The following CCDC60 variants were observed in gnomAD, a reference collection of about 807,000 sequenced individuals.
CCDC60 encodes the protein coiled-coil domain-containing protein 60.
A neutral mutation model predicts 63.5 loss-of-function variants in CCDC60; 54 were observed. The observed-to-expected ratio is 0.85, with a 90% CI of 0.68 to 1.07. CCDC60 has a LOEUF of 1.07. CCDC60 is among the 50% of genes least tolerant of loss of function. The pLI is 0.00. For synonymous variants in CCDC60, 206 were observed against 238.8 expected (o/e 0.86, Z 1.27); for missense variants, 651 against 684.3 (o/e 0.95, Z 0.54).
intron 7 of CCDC60, among the ~76,000 whole-genome samples, chr12:119,507,445 T>C (rs569564515): frequency 3.4e-5 from 5 of 146,710 alleles, no homozygotes; most frequent in East Asian, 2.0e-4. Context: ...TATATACACA[T>C]ATATATACAT....
At chr12:119,513,631 A>T (rs762945033) in intron 7 of CCDC60, among the ~76,000 whole-genome samples, 3 of 152,222 alleles carry the variant, frequency 2.0e-5, no homozygotes, top group Non-Finnish European at 2.9e-5. Context: ...ATCACGTGTC[A>T]CATAACAATG....
At chr12:119,507,603 TATATATA>T (rs1952078663) in intron 7 of CCDC60, among the ~76,000 whole-genome samples, 1 of 28,174 alleles carries the variant, frequency 3.5e-5, no homozygotes, top group Non-Finnish European at 5.7e-5. Flanking sequence ...TATATATATA[TATATATA>T]TATATTTTTT....
intron 7 of CCDC60, among the ~76,000 whole-genome samples, chr12:119,509,757 A>AAG (rs1227954505): frequency 1.3e-5 from 2 of 152,196 alleles, no homozygotes; most frequent in African/African-American, 4.8e-5. Flanking sequence ...TAATCCTCAC[A>AAG]AGAACTTCTT....
At chr12:119,340,644 A>G (rs1043314781) in intron 1 of CCDC60, among the ~76,000 whole-genome samples, 1 of 152,148 alleles carries the variant, frequency 6.6e-6, no homozygotes, top group African/African-American at 2.4e-5. Flanking sequence ...GAACCAACAT[A>G]TTTGAGAAAC....
At chr12:119,523,919 G>T (rs1322486638) in intron 11 of CCDC60, 101 bp downstream of exon 11, 5 of 1,257,838 alleles carry the variant, frequency 4.0e-6, no homozygotes, top group Non-Finnish European at 5.5e-6. Flanking sequence ...CAAACAAGAA[G>T]AACTTGTTCT....
intron 1 of CCDC60, among the ~76,000 whole-genome samples, chr12:119,342,884 A>C (rs916560776): frequency 1.3e-5 from 2 of 152,236 alleles, no homozygotes; most frequent in African/African-American, 2.4e-5. Flanking sequence ...GGTGAGGCTT[A>C]AGGAAATTCT....
chr12:119,443,309 G>A (rs1450698953), intron 2 of CCDC60, among the ~76,000 whole-genome samples: 1 of 152,104 alleles, frequency 6.6e-6, no homozygotes. Context: ...TGTAGCCTTT[G>A]AATACTTCTT....
intron 7 of CCDC60, among the ~76,000 whole-genome samples, chr12:119,505,931 T>C (rs1378802180): frequency 6.8e-6 from 1 of 146,532 alleles, no homozygotes; most frequent in African/African-American, 2.6e-5. Context: ...ATGTAAAAAT[T>C]ATTAATGAGA....
intron 1 of CCDC60, among the ~76,000 whole-genome samples, chr12:119,343,205 A>G (rs1463325609): frequency 2.6e-5 from 4 of 152,194 alleles, no homozygotes; most frequent in African/African-American, 9.6e-5. Flanking sequence ...CTGCTGAGAA[A>G]ATTTCTTGCG....
chr12:119,494,370 G>T (rs1264300620), intron 5 of CCDC60, among the ~76,000 whole-genome samples: 1 of 152,208 alleles, frequency 6.6e-6, no homozygotes, highest in Non-Finnish European at 1.5e-5. Flanking sequence ...CCTCAAAGGA[G>T]TTGTTCCAAC....
intron 11 of CCDC60, among the ~76,000 whole-genome samples, chr12:119,524,716 C>CTTTTTTTTTTTTTTTTTTTTTTTTT (rs1416953138): frequency 1.2e-4 from 11 of 90,586 alleles, no homozygotes; most frequent in African/African-American, 5.3e-4. Flanking sequence ...CTTTTCTTTT[C>CTTTTTTTTTTTTTTTTTTTTTTTTT]TTTTCTTTTT....
chr12:119,517,019 G>A (rs1330989684), intron 8 of CCDC60, among the ~76,000 whole-genome samples: 13 of 152,028 alleles, frequency 8.6e-5, no homozygotes, highest in South Asian at 8.3e-4. Flanking sequence ...ACAGGGTCTC[G>A]CTCTGTTGCC....
chr12:119,492,616 G>C (rs1009846304), intron 5 of CCDC60, among the ~76,000 whole-genome samples: 5 of 152,084 alleles, frequency 3.3e-5, no homozygotes, highest in African/African-American at 1.2e-4. Flanking sequence ...AAACCCAGAG[G>C]GATTAGAGTG....
At chr12:119,458,503 C>A (rs948794550) in intron 2 of CCDC60, among the ~76,000 whole-genome samples, 1 of 152,134 alleles carries the variant, frequency 6.6e-6, no homozygotes. Context: ...TAATCCCATG[C>A]CCCCCATAAT....
chr12:119,463,208 G>A (rs1950891166), intron 2 of CCDC60, among the ~76,000 whole-genome samples: 1 of 152,208 alleles, frequency 6.6e-6, no homozygotes. Flanking sequence ...TCCAATCCAT[G>A]AGAGAATCTG....
In CCDC60 at chr12:119,338,751, C is replaced by T. The variant is rs1341148772; in HGVS notation, c.90+3485C>T. Among the ~76,000 whole-genome samples the T allele has an allele frequency of 3.9e-5, 6 of 152,162 alleles. No individual in the cohort carries two copies. The South Asian group carries it at 6.2e-4, about 16-fold the overall frequency. On this transcript the variant is annotated intron_variant, in intron 1 of 13. Coordinates refer to ENST00000327554, the MANE Select transcript of CCDC60 (RefSeq NM_178499.5). ...AGTAGAATCACAAAATGCCAGGCGG[C>T]CCGGTAAGTGTCTAATGAGGAGGAA...
intron 1 of CCDC60, among the ~76,000 whole-genome samples, chr12:119,362,912 A>T (rs1955804776): frequency 6.6e-6 from 1 of 152,230 alleles, no homozygotes; most frequent in Non-Finnish European, 1.5e-5. Flanking sequence ...CAGCTTGGCC[A>T]ACATGGCAAA....
chr12:119,339,327 G>T lies in CCDC60; in HGVS notation c.90+4061G>T, dbSNP rs142167233. Reference sequence around the variant, plus strand: ...GTAGCATTTGGCAAAAACTGTAAAGGTTTGCAATCCTTTATACAAGCTCTG... The same window carrying T: ...GTAGCATTTGGCAAAAACTGTAAAGTTTTGCAATCCTTTATACAAGCTCTG... On this transcript the variant is annotated intron_variant, in intron 1 of 13. Coordinates refer to ENST00000327554, the MANE Select transcript of CCDC60 (RefSeq NM_178499.5). 6.6e-5 allele frequency among the ~76,000 whole-genome samples: 10 copies of T among 152,242 alleles called. No individual in the cohort carries two copies. In the East Asian group the frequency reaches 1.5e-3, roughly 24 times the overall value.
chr12:119,373,667 T>TGG (rs57046909), intron 1 of CCDC60, among the ~76,000 whole-genome samples: 8 of 54,166 alleles, frequency 1.5e-4, no homozygotes, highest in African/African-American at 2.3e-4. Flanking sequence ...CGGGGTGGGG[T>TGG]GGGGGGGGGT....
Sources: gnomAD v4.1 joint callset for allele counts (sites outside exome capture counted in the v4.1 genomes callset) on GRCh38, gnomAD v4.1.1 for gene constraint, MANE v1.5 for transcripts, NCBI Gene and HGNC (gene_info 2026-07-23, HGNC 2026-07-21) for gene names.